GRID2: variants seen among roughly 807,000 people sequenced by gnomAD.
GRID2 encodes glutamate ionotropic receptor delta type subunit 2, also known as glutamate receptor ionotropic, delta-2.
GRID2 carries 33 observed loss-of-function variants against 114.8 expected under a neutral mutation model. The ratio of observed to expected loss-of-function variants is 0.29; its 90% CI spans 0.22 to 0.38. GRID2 has a LOEUF of 0.38. Ranked by LOEUF, GRID2 falls within the 10% of genes least tolerant of loss-of-function variation. The probability of loss-of-function intolerance (pLI) is 1.00; values close to 1 mark genes in which losing one functional copy is unlikely to be tolerated. For missense variants in GRID2, 1,184 were observed against 1,257.7 expected, an observed-to-expected ratio of 0.94 and a Z score of 0.89; for synonymous variants, 505 against 449.9, an observed-to-expected ratio of 1.12 and a Z score of -1.55.
chr4:92,561,137 C>G (rs1419171766), intron 1 of GRID2, among the ~76,000 whole-genome samples: 1 of 152,108 alleles, frequency 6.6e-6, no homozygotes, highest in Non-Finnish European at 1.5e-5. Flanking sequence ...TTTCTAATAT[C>G]CTTATTTGAA....
At chr4:93,593,612 A>G (rs928326915) in intron 13 of GRID2, among the ~76,000 whole-genome samples, 1 of 150,702 alleles carries the variant, frequency 6.6e-6, no homozygotes, top group African/African-American at 2.4e-5. Context: ...GCCTTGCTAG[A>G]TTGGGGAAAT....
chr4:92,469,242 T>G (rs2149094178), intron 1 of GRID2, among the ~76,000 whole-genome samples: 1 of 152,226 alleles, frequency 6.6e-6, no homozygotes, highest in East Asian at 1.9e-4. Flanking sequence ...CTGTTGAAGA[T>G]TTGTTTTTCG....
Position 93,075,878 on chromosome 4 carries a change from C to CCT in GRID2, c.245-9112_245-9111dup, listed in dbSNP as rs1183095875. ...AGTAAGTATTGGGATGTCGAAGTTACCTCTCTTTTTTTTTTTTTTTTTTTT... is the reference window on the plus strand; with the variant it reads ...AGTAAGTATTGGGATGTCGAAGTTACCTCTCTCTTTTTTTTTTTTTTTTTTTT... On this transcript the variant is annotated intron_variant, in intron 2 of 15. Transcript: ENST00000282020. Among the ~76,000 whole-genome samples, 26 of 128,826 alleles carry CCT rather than the reference C, an allele frequency of 2.0e-4. 1 individual carries two copies. The highest frequency in any genetic ancestry group is 7.6e-4 in the South Asian group (3 of 3,944). 84.5% of individuals were successfully genotyped at this position (128,826 alleles called of 152,430 possible). A position where few individuals can be genotyped will look rare whatever the true frequency, so the allele number is the denominator to read the frequency against.
rs140958704 is a variant in GRID2 at position 92,557,941 on chromosome 4, G to T, written c.89-32190G>T. Reference sequence around the variant, plus strand: ...GCAGATACTTTGCATAGAATCACAGGGCCAGAATAATTTTTAGTTTTATTT... The same window carrying T: ...GCAGATACTTTGCATAGAATCACAGTGCCAGAATAATTTTTAGTTTTATTT... On this transcript the variant is annotated intron_variant, in intron 1 of 15. Transcript: ENST00000282020. 5.2e-3 allele frequency among the ~76,000 whole-genome samples: 798 copies of T among 152,148 alleles called. 4 individuals carry two copies. The highest frequency in any genetic ancestry group is 0.018 in the African/African-American group (756 of 41,526).
intron 2 of GRID2, among the ~76,000 whole-genome samples, chr4:92,944,957 T>C (rs1751511072): frequency 6.6e-6 from 1 of 152,184 alleles, no homozygotes; most frequent in African/African-American, 2.4e-5. Context: ...AAATATGTCA[T>C]ATTTGCCACT....
At chr4:93,115,289 G>A (rs1341576985) in intron 4 of GRID2, among the ~76,000 whole-genome samples, 1 of 151,326 alleles carries the variant, frequency 6.6e-6, no homozygotes, top group Non-Finnish European at 1.5e-5. Context: ...TATTTGCATT[G>A]TTCAAAATTT....
intron 2 of GRID2, among the ~76,000 whole-genome samples, chr4:93,038,596 C>T (rs1344730794): frequency 2.6e-5 from 4 of 152,056 alleles, no homozygotes; most frequent in African/African-American, 9.7e-5. Context: ...CGAGACCATC[C>T]TGGCTAACAT....
At chr4:93,003,363 C>A (rs2149219539) in intron 2 of GRID2, among the ~76,000 whole-genome samples, 1 of 151,990 alleles carries the variant, frequency 6.6e-6, no homozygotes. Flanking sequence ...ATTTTGATTT[C>A]TTTAACATAT....
chr4:92,328,161 G>C (rs144112614), intron 1 of GRID2, among the ~76,000 whole-genome samples: 9 of 152,140 alleles, frequency 5.9e-5, no homozygotes, highest in Non-Finnish European at 1.2e-4. Flanking sequence ...ATGACCTTTA[G>C]AATGTCTAAC....
intron 2 of GRID2, among the ~76,000 whole-genome samples, chr4:93,001,774 A>G (rs1352890167): frequency 1.3e-5 from 2 of 151,750 alleles, no homozygotes; most frequent in Non-Finnish European, 3.0e-5. Flanking sequence ...ATGAACTATT[A>G]CTAGTCTCAA....
intron 2 of GRID2, among the ~76,000 whole-genome samples, chr4:92,682,561 A>AT (rs1431911156): frequency 6.6e-6 from 1 of 152,162 alleles, no homozygotes; most frequent in African/African-American, 2.4e-5. Flanking sequence ...AAGGAAAAAA[A>AT]CTGGGAAGAT....
At chr4:93,638,081 CTG>C (rs1273594472) in intron 14 of GRID2, among the ~76,000 whole-genome samples, 2 of 152,058 alleles carry the variant, frequency 1.3e-5, no homozygotes, top group Non-Finnish European at 2.9e-5. Flanking sequence ...CTAACGATTT[CTG>C]TCTTTGTGAA....
chr4:93,411,477 T>C (rs1579993196), intron 9 of GRID2, among the ~76,000 whole-genome samples: 1 of 151,448 alleles, frequency 6.6e-6, no homozygotes, highest in African/African-American at 2.4e-5. Flanking sequence ...CTCTGTCACA[T>C]AGGCTGGAGT....
intron 2 of GRID2, among the ~76,000 whole-genome samples, chr4:92,676,508 C>A (rs574654389): frequency 3.6e-4 from 55 of 152,048 alleles, no homozygotes; most frequent in African/African-American, 1.3e-3. Flanking sequence ...AAATTCTGTA[C>A]GTTTCTTGGC....
At chr4:92,395,298 A>T (rs1730439517) in intron 1 of GRID2, among the ~76,000 whole-genome samples, 1 of 151,644 alleles carries the variant, frequency 6.6e-6, no homozygotes, top group South Asian at 2.1e-4. Flanking sequence ...TTGATCTCAC[A>T]ATTAGGTGGG....
intron 14 of GRID2, among the ~76,000 whole-genome samples, chr4:93,760,246 T>C (rs1017988607): frequency 1.2e-4 from 18 of 152,318 alleles, no homozygotes; most frequent in African/African-American, 4.3e-4. Flanking sequence ...ATCATGCATG[T>C]GTTTATTTTT....
chr4:92,464,118 A>G (rs1057234155), intron 1 of GRID2, among the ~76,000 whole-genome samples: 2 of 151,948 alleles, frequency 1.3e-5, no homozygotes, highest in African/African-American at 4.8e-5. Flanking sequence ...CTCATTTCCA[A>G]TATTCCTTCC....
At chr4:93,504,942 A>C (rs1728483871) in intron 12 of GRID2, among the ~76,000 whole-genome samples, 1 of 152,108 alleles carries the variant, frequency 6.6e-6, no homozygotes, top group Non-Finnish European at 1.5e-5. Context: ...TTACATAGAG[A>C]AATATTGTAC....
intron 10 of GRID2, among the ~76,000 whole-genome samples, chr4:93,441,597 A>G (rs1721624670): frequency 6.6e-6 from 1 of 152,030 alleles, no homozygotes; most frequent in Non-Finnish European, 1.5e-5. Context: ...TGGAACCTTT[A>G]AATATTCACT....
Sources: gnomAD v4.1 joint callset for allele counts (sites outside exome capture counted in the v4.1 genomes callset) on GRCh38, gnomAD v4.1.1 for gene constraint, MANE v1.5 for transcripts, NCBI Gene and HGNC (gene_info 2026-07-23, HGNC 2026-07-21) for gene names.